Variants in STX8 observed in about 807,000 individuals in gnomAD.
STX8 encodes syntaxin-8.
In STX8, 23 loss-of-function variants were observed where a neutral mutation model predicts 37.5. The observed-to-expected ratio is 0.61, with a 90% CI of 0.44 to 0.87. STX8 has a LOEUF of 0.87. Among genes scored for constraint, STX8 ranks in the 40% least tolerant of loss-of-function variants. STX8 has a pLI of 0.00. For missense variants in STX8, 313 were observed against 284.7 expected, an observed-to-expected ratio of 1.10 and a Z score of -0.71; for synonymous variants, 115 against 99.1, an observed-to-expected ratio of 1.16 and a Z score of -0.95.
chr17:9,536,341 C>T (rs1183773077), intron 4 of STX8, among the ~76,000 whole-genome samples: 1 of 152,162 alleles, frequency 6.6e-6, no homozygotes, highest in Non-Finnish European at 1.5e-5. Flanking sequence ...GAAGAGACAG[C>T]AACTACCCGA....
intron 6 of STX8, among the ~76,000 whole-genome samples, chr17:9,417,871 G>A (rs1459324502): frequency 1.3e-5 from 2 of 152,196 alleles, no homozygotes; most frequent in Admixed American, 6.5e-5. Flanking sequence ...GAAGGGGGTT[G>A]CATGCTCACT....
chr17:9,302,173 C>G (rs1908810773), intron 7 of STX8, among the ~76,000 whole-genome samples: 1 of 152,052 alleles, frequency 6.6e-6, no homozygotes, highest in Admixed American at 6.6e-5. Context: ...TTGAAGTTTT[C>G]TAGAAGATCA....
chr17:9,402,411 G>A lies in STX8; in HGVS notation c.542-23758C>T, dbSNP rs368703593. ...GCTGGGATTACAGGCGTGAGTCACC[G>A]CACCCAGCCTTTTTAATATATTTTT... On this transcript the variant is annotated intron_variant, in intron 6 of 7. Transcript: ENST00000306357. 5.6e-4 allele frequency among the ~76,000 whole-genome samples: 85 copies of A among 152,166 alleles called. No individual in the cohort carries two copies. The South Asian group carries it at 7.9e-3, about 14-fold the overall frequency.
At chr17:9,497,340 A>T (rs960412570) in intron 5 of STX8, among the ~76,000 whole-genome samples, 2 of 152,208 alleles carry the variant, frequency 1.3e-5, no homozygotes, top group Non-Finnish European at 2.9e-5. Context: ...AATATTGTTA[A>T]CTTCTTAAGG....
At position 9,272,538 on chromosome 17, in the gene STX8, C is replaced by A. The variant is rs562810694; in HGVS notation, c.644-21893G>T. 5.9e-5 allele frequency among the ~76,000 whole-genome samples: 9 copies of A among 152,328 alleles called. No homozygotes were observed. In the South Asian group the frequency reaches 6.2e-4, roughly 11 times the overall value. ...GTGCAAAATAAGTCACAAGGGGGTG[C>A]CTTCTCACTCACACACAGCTAGCCA... On this transcript the variant is annotated intron_variant, in intron 7 of 7. Transcript: ENST00000306357.
intron 7 of STX8, among the ~76,000 whole-genome samples, chr17:9,373,327 T>C (rs780256779): frequency 5.6e-4 from 86 of 152,314 alleles, no homozygotes; most frequent in Admixed American, 3.5e-3. Flanking sequence ...ACATTTATGG[T>C]GGCATTATTC....
chr17:9,468,148 C>G (rs531699816), intron 6 of STX8, among the ~76,000 whole-genome samples: 3 of 152,198 alleles, frequency 2.0e-5, no homozygotes, highest in Middle Eastern at 3.4e-3. Flanking sequence ...TTGCTCTTGT[C>G]ACCCAGGCTG....
intron 5 of STX8, among the ~76,000 whole-genome samples, chr17:9,493,459 C>A (rs1363765307): frequency 6.6e-6 from 1 of 152,182 alleles, no homozygotes; most frequent in African/African-American, 2.4e-5. Flanking sequence ...CCAGCAACTT[C>A]TCCCAGCACA....
chr17:9,376,270 GCT>G (rs1342493591), intron 7 of STX8, among the ~76,000 whole-genome samples: 2 of 151,846 alleles, frequency 1.3e-5, no homozygotes, highest in Non-Finnish European at 2.9e-5. Flanking sequence ...CCCAATCAGC[GCT>G]CTGTGTCTAG....
intron 6 of STX8, among the ~76,000 whole-genome samples, chr17:9,457,718 T>C (rs1271824384): frequency 6.6e-6 from 1 of 152,196 alleles, no homozygotes; most frequent in Non-Finnish European, 1.5e-5. Flanking sequence ...ATTAGAGAAG[T>C]TTCAGATGCC....
intron 3 of STX8, chr17:9,553,702 A>G (rs1906853245): frequency 6.6e-6 from 1 of 152,224 alleles, no homozygotes; most frequent in South Asian, 2.1e-4. Context: ...TAATCTTCGG[A>G]TGGTTAAGAC....
intron 7 of STX8, chr17:9,273,102 GT>G (rs1175275567): frequency 6.6e-6 from 1 of 152,268 alleles, no homozygotes. Context: ...TCCCCGAAGG[GT>G]TTAGTTATGT....
At chr17:9,346,916 T>C (rs990502433) in intron 7 of STX8, among the ~76,000 whole-genome samples, 6 of 152,074 alleles carry the variant, frequency 3.9e-5, no homozygotes, top group Non-Finnish European at 7.4e-5. Context: ...TCACCTGAGG[T>C]TGGGAGTTCG....
intron 6 of STX8, among the ~76,000 whole-genome samples, chr17:9,445,772 T>C (rs1044447070): frequency 6.6e-6 from 1 of 152,034 alleles, no homozygotes; most frequent in Admixed American, 6.6e-5. Flanking sequence ...ACTTTTTCAA[T>C]AGCAGTTTTT....
In STX8 at chr17:9,562,398, T is replaced by A. The variant is rs190505595; in HGVS notation, c.118-4870A>T. ...TCCAGCCTGGGCGACAGAGCGAGAC[T>A]CCGTCTCAGGAAAAAAAAAAAAAAA... On this transcript the variant is annotated intron_variant, in intron 2 of 7. Coordinates refer to ENST00000306357, the MANE Select transcript of STX8 (RefSeq NM_004853.3). 1.0e-3 allele frequency among the ~76,000 whole-genome samples: 147 copies of A among 145,276 alleles called. 1 individual carries two copies. Among genetic ancestry groups the A allele is most frequent in the Admixed American group, 5.0e-3 (72 of 14,462 alleles).
chr17:9,476,939 G>A (rs1346843907), intron 6 of STX8, among the ~76,000 whole-genome samples: 4 of 151,872 alleles, frequency 2.6e-5, no homozygotes, highest in Admixed American at 1.3e-4. Flanking sequence ...TTGACCTCCC[G>A]GGCTCAAGTG....
chr17:9,396,658 C>T (rs943921837), intron 6 of STX8, among the ~76,000 whole-genome samples: 13 of 147,924 alleles, frequency 8.8e-5, no homozygotes, highest in African/African-American at 2.2e-4. Context: ...TGCAGTGAGT[C>T]GAGATCGAGC....
At chr17:9,282,904 C>CTT (rs5819219) in intron 7 of STX8, among the ~76,000 whole-genome samples, 1,729 of 149,038 alleles carry the variant, frequency 0.012, 30 homozygotes, top group African/African-American at 0.035. Context: ...GGAGATGAAT[C>CTT]TTTTTTTTTT....
At position 9,529,911 on chromosome 17, in the gene STX8, T is replaced by C. The variant is rs565945166; in HGVS notation, c.323+15261A>G. On this transcript the variant is annotated intron_variant, in intron 4 of 7. Transcript: ENST00000306357. ...GGGAGAATCGCGTGAGCCCAGGACC[T>C]TGAGGTTACAGTGTACTATGATTCC... Among the ~76,000 whole-genome samples the C allele has an allele frequency of 5.3e-5, 8 of 152,234 alleles. No individual in the cohort carries two copies. In the East Asian group the frequency reaches 1.5e-3, roughly 29 times the overall value.
Sources: allele counts gnomAD v4.1 joint callset (sites outside exome capture counted in the v4.1 genomes callset), GRCh38; gene constraint gnomAD v4.1.1; transcripts MANE v1.5; gene names NCBI Gene and HGNC (gene_info 2026-07-23, HGNC 2026-07-21).